Variants in ARNT2 observed in about 807,000 individuals in gnomAD.
The protein encoded by ARNT2 is ARNT protein 2.
A neutral mutation model predicts 91.7 loss-of-function variants in ARNT2; 36 were observed. That is an observed-to-expected ratio of 0.39 (90% CI 0.30 to 0.52). The LOEUF (loss-of-function observed/expected upper bound fraction) is 0.52. ARNT2 is among the 20% of genes least tolerant of loss of function. The probability of loss-of-function intolerance (pLI) is 0.72; values close to 1 mark genes in which losing one functional copy is unlikely to be tolerated. For synonymous variants in ARNT2, 365 were observed against 347.1 expected (o/e 1.05, Z -0.57); for missense variants, 775 against 939.3 (o/e 0.83, Z 2.29).
intron 1 of ARNT2, among the ~76,000 whole-genome samples, chr15:80,438,166 TA>T (rs1175127771): frequency 6.6e-6 from 1 of 152,248 alleles, no homozygotes; most frequent in Non-Finnish European, 1.5e-5. Flanking sequence ...ATTGTAAAGT[TA>T]AACTCTAAGT....
chr15:80,455,628 G>C (rs1395149228), intron 2 of ARNT2, among the ~76,000 whole-genome samples: 2 of 152,070 alleles, frequency 1.3e-5, no homozygotes, highest in Non-Finnish European at 2.9e-5. Context: ...GACTTTTCCA[G>C]TTTTAGCACT....
intron 17 of ARNT2, among the ~76,000 whole-genome samples, chr15:80,587,153 C>CG (rs1299140279): frequency 6.6e-6 from 1 of 152,168 alleles, no homozygotes; most frequent in Non-Finnish European, 1.5e-5. Flanking sequence ...CTGTAAGGTG[C>CG]GTTTTTCTTC....
At chr15:80,464,954 T>C (rs1420470881) in intron 3 of ARNT2, among the ~76,000 whole-genome samples, 2 of 152,220 alleles carry the variant, frequency 1.3e-5, no homozygotes, top group Non-Finnish European at 2.9e-5. Context: ...TCCCCCAGGC[T>C]ACCTCTGAAG....
At position 80,597,926 on chromosome 15, in the gene ARNT2, C is replaced by G. The variant is rs923632794; in HGVS notation, c.*4228C>G. The G allele has an allele frequency of 6.5e-6, 1 of 152,756 alleles. No homozygotes were observed. The highest frequency in any genetic ancestry group is 1.5e-5 in the Non-Finnish European group (1 of 68,116). 9.5% of individuals were successfully genotyped at this position (152,756 alleles called of 1,614,324 possible). A position where few individuals can be genotyped will look rare whatever the true frequency, so the allele number is the denominator to read the frequency against. On this transcript the variant is annotated 3_prime_UTR_variant, in exon 19 of 19. Transcript: ENST00000303329. Reference sequence around the variant, plus strand: ...TCATTACAATAAAAATGACTTTGCTCTGAACAACAAATGGCCCAGGCCAAG... The same window carrying G: ...TCATTACAATAAAAATGACTTTGCTGTGAACAACAAATGGCCCAGGCCAAG...
chr15:80,528,136 G>GCT lies in ARNT2; in HGVS notation c.877+13731_877+13732insCT, dbSNP rs1321699733. Reference sequence around the variant, plus strand: ...CCGTGCACATGGGGAGGGGTGTGGAGAGTTTATGAGAGCTGGGAGATGTGT... The same window carrying GCT: ...CCGTGCACATGGGGAGGGGTGTGGAGCTAGTTTATGAGAGCTGGGAGATGTGT... On this transcript the variant is annotated intron_variant, in intron 8 of 18. Transcript: ENST00000303329. Among the ~76,000 whole-genome samples, 6 of 152,300 alleles carry GCT rather than the reference G, an allele frequency of 3.9e-5. No homozygotes were observed. The East Asian group carries it at 1.2e-3, about 29-fold the overall frequency.
At chr15:80,546,962 CA>C (rs373390956) in intron 8 of ARNT2, among the ~76,000 whole-genome samples, 4,429 of 133,878 alleles carry the variant, frequency 0.033, 178 homozygotes, top group African/African-American at 0.11. Flanking sequence ...AACTCCATCT[CA>C]AAAAAAAAAA....
intron 5 of ARNT2, among the ~76,000 whole-genome samples, chr15:80,478,004 T>C (rs1896832396): frequency 6.6e-6 from 1 of 152,198 alleles, no homozygotes; most frequent in Admixed American, 6.5e-5. Flanking sequence ...TTGATGTTCT[T>C]GTAAAACAGC....
chr15:80,442,248 A>C (rs1480629599), intron 1 of ARNT2, among the ~76,000 whole-genome samples: 1 of 152,206 alleles, frequency 6.6e-6, no homozygotes, highest in Non-Finnish European at 1.5e-5. Context: ...CATCTTTCCC[A>C]TCGTACTTCG....
intron 10 of ARNT2, among the ~76,000 whole-genome samples, chr15:80,554,006 C>T (rs1442155359): frequency 6.6e-6 from 1 of 152,200 alleles, no homozygotes; most frequent in Admixed American, 6.5e-5. Flanking sequence ...TCCAGTTGCT[C>T]CTTGGCACAC....
chr15:80,414,578 A>C (rs1004574148), intron 1 of ARNT2, among the ~76,000 whole-genome samples: 5 of 152,212 alleles, frequency 3.3e-5, no homozygotes, highest in Non-Finnish European at 7.4e-5. Flanking sequence ...AATGTGAAAT[A>C]ACAGAACTGC....
At chr15:80,571,315 C>T (rs1898579473) in intron 12 of ARNT2, among the ~76,000 whole-genome samples, 1 of 152,178 alleles carries the variant, frequency 6.6e-6, no homozygotes, top group Non-Finnish European at 1.5e-5. Flanking sequence ...TGGACCAGAT[C>T]ACTTGTGTGC....
chr15:80,520,355 T>A (rs1013333604), intron 8 of ARNT2, among the ~76,000 whole-genome samples: 1 of 152,164 alleles, frequency 6.6e-6, no homozygotes, highest in African/African-American at 2.4e-5. Flanking sequence ...ACACTGGATA[T>A]TTTTTATTTC....
chr15:80,446,046 G>A (rs1367321364), intron 1 of ARNT2, among the ~76,000 whole-genome samples: 6 of 152,116 alleles, frequency 3.9e-5, no homozygotes. Flanking sequence ...TGCTTACGCT[G>A]TGCCAGGCAT....
intron 1 of ARNT2, among the ~76,000 whole-genome samples, chr15:80,408,112 C>T (rs1259413909): frequency 2.6e-5 from 4 of 152,144 alleles, no homozygotes; most frequent in Non-Finnish European, 5.9e-5. Flanking sequence ...TGGTCTTTGG[C>T]ATTTCAATTT....
At chr15:80,439,949 C>G (rs1000796019) in intron 1 of ARNT2, among the ~76,000 whole-genome samples, 3 of 152,206 alleles carry the variant, frequency 2.0e-5, no homozygotes, top group Non-Finnish European at 4.4e-5. Context: ...AGAATCAGAG[C>G]TTTGAACCCT....
chr15:80,582,114 G>A (rs1898810186), intron 17 of ARNT2, among the ~76,000 whole-genome samples: 1 of 152,196 alleles, frequency 6.6e-6, no homozygotes, highest in African/African-American at 2.4e-5. Flanking sequence ...CCTCAGATGA[G>A]CGTGAATCTG....
At chr15:80,522,731 T>C (rs1473908695) in intron 8 of ARNT2, among the ~76,000 whole-genome samples, 1 of 151,226 alleles carries the variant, frequency 6.6e-6, no homozygotes, top group Non-Finnish European at 1.5e-5. Context: ...CAAAAACAAC[T>C]GCATAATGAC....
intron 6 of ARNT2, among the ~76,000 whole-genome samples, chr15:80,509,046 G>A (rs1262827824): frequency 6.6e-6 from 1 of 152,154 alleles, no homozygotes; most frequent in Non-Finnish European, 1.5e-5. Context: ...GTGATGTGAG[G>A]TGATGCCACT....
At chr15:80,456,893 T>G (rs1388095311) in intron 2 of ARNT2, among the ~76,000 whole-genome samples, 1 of 151,216 alleles carries the variant, frequency 6.6e-6, no homozygotes, top group Non-Finnish European at 1.5e-5. Flanking sequence ...AGGCTGGCCT[T>G]CCTTCTCCTT....
Sources: gnomAD v4.1 joint callset for allele counts (sites outside exome capture counted in the v4.1 genomes callset) on GRCh38, gnomAD v4.1.1 for gene constraint, MANE v1.5 for transcripts, NCBI Gene and HGNC (gene_info 2026-07-23, HGNC 2026-07-21) for gene names.